The following CRKL variants were observed in gnomAD, a reference collection of about 807,000 sequenced individuals.
The protein encoded by CRKL is crk-like protein.
A neutral mutation model predicts 23.0 loss-of-function variants in CRKL; 3 were observed. That is an observed-to-expected ratio of 0.13 (90% CI 0.06 to 0.34). CRKL has a LOEUF of 0.34. CRKL is among the 10% of genes least tolerant of loss of function. The pLI is 1.00. For missense variants in CRKL, 256 were observed against 394.5 expected (o/e 0.65, Z 2.97); for synonymous variants, 188 against 160.7 (o/e 1.17, Z -1.28).
intron 2 of CRKL, among the ~76,000 whole-genome samples, chr22:20,936,070 C>T (rs1180270673): frequency 6.6e-6 from 1 of 152,050 alleles, no homozygotes; most frequent in African/African-American, 2.4e-5. Flanking sequence ...TGAGGTGGAA[C>T]AATTGCTTGA....
chr22:20,945,154 C>T (rs943057091), intron 2 of CRKL, among the ~76,000 whole-genome samples: 9 of 151,942 alleles, frequency 5.9e-5, no homozygotes, highest in African/African-American at 1.7e-4. Flanking sequence ...CTACCACGCC[C>T]GGCTAATTTT....
intron 2 of CRKL, among the ~76,000 whole-genome samples, chr22:20,948,573 G>C (rs114457326): frequency 1.3e-3 from 201 of 152,324 alleles, no homozygotes; most frequent in Non-Finnish European, 2.6e-3. Context: ...CAGTCATGTA[G>C]TTTCTAAAAG....
At chr22:20,932,119 T>G (rs931741492) in intron 1 of CRKL, among the ~76,000 whole-genome samples, 3 of 150,976 alleles carry the variant, frequency 2.0e-5, no homozygotes, top group African/African-American at 4.9e-5. Flanking sequence ...CTCTTATTTA[T>G]TTATGTTTTG....
chr22:20,944,693 G>A (rs1363518760), intron 2 of CRKL, among the ~76,000 whole-genome samples: 3 of 151,788 alleles, frequency 2.0e-5, no homozygotes, highest in Non-Finnish European at 4.4e-5. Flanking sequence ...ATGAGCCACC[G>A]CACAGCCTAT....
At chr22:20,939,342 G>A (rs1441183494) in intron 2 of CRKL, among the ~76,000 whole-genome samples, 14 of 141,290 alleles carry the variant, frequency 9.9e-5, no homozygotes, top group Admixed American at 9.2e-4. Flanking sequence ...CCGGGTTCAC[G>A]CCATTCTCCT....
At position 20,947,845 on chromosome 22, in the gene CRKL, G is replaced by T. The variant is rs899968173; in HGVS notation, c.778-1866G>T. Among the ~76,000 whole-genome samples the T allele has an allele frequency of 1.1e-4, 16 of 151,622 alleles. 1 individual carries two copies. The highest frequency in any genetic ancestry group is 1.8e-4 in the Non-Finnish European group (12 of 67,934). On this transcript the variant is annotated intron_variant, in intron 2 of 2. Transcript: ENST00000354336. The stretch of plus-strand genomic sequence containing the variant: ...TGGGACTGCAGGTGCATGCCACCAC[G>T]CCTGGCTCATTTTTGTATTTTAGAG...
At chr22:20,930,896 A>T (rs1921424924) in intron 1 of CRKL, among the ~76,000 whole-genome samples, 1 of 142,100 alleles carries the variant, frequency 7.0e-6, no homozygotes, top group Non-Finnish European at 1.5e-5. Flanking sequence ...GTTAGCCAGG[A>T]TGGTCTCAAT....
Position 20,917,830 on chromosome 22 carries a change from C to A in CRKL, c.-105C>A. On this transcript the variant is annotated 5_prime_UTR_variant, in exon 1 of 3. Coordinates refer to ENST00000354336, the MANE Select transcript of CRKL (RefSeq NM_005207.4). ...CCCTCTGAGCGCTCCTCGAGGTGTGCGAGAGGCCCTTCCTCGGCCCCAAAG... is the reference window on the plus strand; with the variant it reads ...CCCTCTGAGCGCTCCTCGAGGTGTGAGAGAGGCCCTTCCTCGGCCCCAAAG... 8.8e-7 allele frequency: 1 copy of A among 1,130,888 alleles called. No homozygotes were observed. The highest frequency in any genetic ancestry group is 1.2e-6 in the Non-Finnish European group (1 of 805,894). The allele number at this position is 1,130,888 out of a possible 1,614,324, so 70.1% of individuals were successfully genotyped here.
At position 20,949,822 on chromosome 22, in the gene CRKL, C is replaced by T. The variant is rs568979801; in HGVS notation, c.889C>T (p.Gln297Ter). ...TACGCACGTCAAAATCTTTGACCCT[C>T]AAAACCCAGATGAAAACGAGTGATT... ...PFTHVKIFDP[Q>*]NPDENE Residue 297 changes from glutamine (Q) to a stop codon, truncating the protein, a stop_gained, in exon 3 of 3, where the codon CAA (glutamine) becomes TAA (stop). Transcript: ENST00000354336. LOFTEE classifies it high-confidence loss of function. 6.2e-7 allele frequency: 1 copy of T among 1,609,400 alleles called. No individual in the cohort carries two copies. The highest frequency in any genetic ancestry group is 8.5e-7 in the Non-Finnish European group (1 of 1,178,370).
In CRKL at chr22:20,951,995, C is replaced by A; in HGVS notation, c.*2150C>A. ...TTTTGGGTTCAGGCCTGGCGTAGCA[C>A]CCACAAGTGGCAGACATATCACAAG... On this transcript the variant is annotated 3_prime_UTR_variant, in exon 3 of 3. Coordinates refer to ENST00000354336, the MANE Select transcript of CRKL (RefSeq NM_005207.4). The A allele has an allele frequency of 4.5e-6, 1 of 223,266 alleles. No individual in the cohort carries two copies. The allele number at this position is 223,266 out of a possible 1,614,324, so 13.8% of individuals were successfully genotyped here. A position where few individuals can be genotyped will look rare whatever the true frequency, so the allele number is the denominator to read the frequency against.
Position 20,917,703 on chromosome 22 carries a change from C to G in CRKL, c.-232C>G, listed in dbSNP as rs993736390. ...GCCTGCCCCGACCCCCCGGCTCTGC[C>G]GTGCATTCCCGGGCGGCTCTCTCCG... On this transcript the variant is annotated 5_prime_UTR_variant, in exon 1 of 3. Coordinates refer to ENST00000354336, the MANE Select transcript of CRKL (RefSeq NM_005207.4). The G allele has an allele frequency of 1.8e-6, 1 of 562,510 alleles. No individual in the cohort carries two copies. The highest frequency in any genetic ancestry group is 3.1e-6 in the Non-Finnish European group (1 of 321,588). The allele number at this position is 562,510 out of a possible 1,614,324, so 34.8% of individuals were successfully genotyped here.
intron 1 of CRKL, among the ~76,000 whole-genome samples, chr22:20,925,920 A>G (rs1264514795): frequency 6.6e-6 from 1 of 152,224 alleles, no homozygotes; most frequent in African/African-American, 2.4e-5. Context: ...AATCTAATGG[A>G]AGTAAACCAT....
intron 2 of CRKL, among the ~76,000 whole-genome samples, chr22:20,943,240 G>GT (rs779028133): frequency 1.3e-5 from 2 of 151,844 alleles, no homozygotes; most frequent in Non-Finnish European, 2.9e-5. Context: ...TTTTTATTTT[G>GT]TTTTATATTT....
At chr22:20,929,688 C>A (rs1921368829) in intron 1 of CRKL, among the ~76,000 whole-genome samples, 1 of 152,156 alleles carries the variant, frequency 6.6e-6, no homozygotes, top group South Asian at 2.1e-4. Context: ...GTCTCAAACT[C>A]CTGACCTCAT....
intron 2 of CRKL, among the ~76,000 whole-genome samples, chr22:20,935,593 C>T (rs1921628603): frequency 6.8e-6 from 1 of 147,510 alleles, no homozygotes; most frequent in Admixed American, 6.9e-5. Flanking sequence ...GTGGCGTGAT[C>T]TTGGCTCACT....
intron 2 of CRKL, among the ~76,000 whole-genome samples, chr22:20,941,499 A>G (rs910714811): frequency 1.6e-5 from 1 of 60,808 alleles, no homozygotes; most frequent in Non-Finnish European, 4.0e-5. Flanking sequence ...AAATATATAC[A>G]TATGTGTGTT....
At chr22:20,928,960 A>G (rs759627398) in intron 1 of CRKL, among the ~76,000 whole-genome samples, 17 of 152,124 alleles carry the variant, frequency 1.1e-4, no homozygotes, top group Admixed American at 3.9e-4. Context: ...TGTTTTGTGT[A>G]TGGTTTATAC....
In CRKL at chr22:20,934,134, C is replaced by T. The variant is rs1421511528; in HGVS notation, c.667C>T (p.Pro223Ser). 3 of 1,614,214 alleles carry T rather than the reference C, an allele frequency of 1.9e-6. No individual in the cohort carries two copies. Among genetic ancestry groups the T allele is most frequent in the South Asian group, 1.1e-5 (1 of 91,076 alleles). ...TTPLPAVSGS[P>S]GAAITPLPST... is the part of the protein sequence containing the mutation. Reference sequence around the variant, plus strand: ...TCCTCTACCTGCAGTTTCCGGTTCTCCTGGGGCAGCAATCACCCCTTTGCC... The same window carrying T: ...TCCTCTACCTGCAGTTTCCGGTTCTTCTGGGGCAGCAATCACCCCTTTGCC... The change falls in exon 2 of 3, where the codon CCT (proline) becomes TCT (serine). Residue 223 changes from proline to serine, a missense_variant. This residue lies in a region of CRKL where 129 missense variants were observed against 222.1 expected (regional missense o/e 0.58). Coordinates refer to ENST00000354336, the MANE Select transcript of CRKL (RefSeq NM_005207.4).
Position 20,952,348 on chromosome 22 carries a change from GT to G in CRKL, c.*2507del. ...ATACCTAGAGTATACCTGTGGTTTG[GT>G]TTTATAATTAATCAGCTCGTTACTT... On this transcript the variant is annotated 3_prime_UTR_variant, in exon 3 of 3. Transcript: ENST00000354336. The G allele has an allele frequency of 4.4e-6, 1 of 229,778 alleles. No individual in the cohort carries two copies. The highest frequency in any genetic ancestry group is 8.6e-6 in the Non-Finnish European group (1 of 115,770). 14.2% of individuals were successfully genotyped at this position (229,778 alleles called of 1,614,324 possible). A position where few individuals can be genotyped will look rare whatever the true frequency, so the allele number is the denominator to read the frequency against.
Sources: allele counts gnomAD v4.1 joint callset (sites outside exome capture counted in the v4.1 genomes callset), GRCh38; gene constraint gnomAD v4.1.1; regional missense constraint gnomAD v4.1.1; transcripts MANE v1.5; gene names NCBI Gene and HGNC (gene_info 2026-07-23, HGNC 2026-07-21).